The following CSTA variants were observed in gnomAD, a reference collection of about 807,000 sequenced individuals.
CSTA encodes cystatin A, also known as cystatin-A.
Under a neutral mutation model 9.2 loss-of-function variants are expected in CSTA, and 9 were observed. That is an observed-to-expected ratio of 0.97 (90% confidence interval 0.59 to 1.70). CSTA has a LOEUF of 1.70. Ranked by LOEUF, CSTA falls within the 40% of genes most tolerant of loss-of-function variation. The pLI, the probability that CSTA is intolerant of heterozygous loss-of-function variation, is 0.00. For missense variants in CSTA, 118 were observed against 113.1 expected (o/e 1.04, Z -0.20); for synonymous variants, 36 against 40.6 (o/e 0.89, Z 0.43).
At chr3:122,327,528 C>CAATAA (rs2075177977) in intron 1 of CSTA, among the ~76,000 whole-genome samples, 1 of 44,108 alleles carries the variant, frequency 2.3e-5, no homozygotes, top group Admixed American at 2.7e-4. Flanking sequence ...GACTCCGTCT[C>CAATAA]AAAAAAAAAA....
chr3:122,327,392 G>C (rs1291643545), intron 1 of CSTA, among the ~76,000 whole-genome samples: 2 of 151,918 alleles, frequency 1.3e-5, no homozygotes, highest in East Asian at 3.9e-4. Flanking sequence ...AGCTTGGCGT[G>C]GTGGCGGGCG....
Position 122,341,650 on chromosome 3 carries a change from A to T in CSTA, c.*83A>T. 4 of 1,500,324 alleles carry T rather than the reference A, an allele frequency of 2.7e-6. No individual in the cohort carries two copies. The South Asian group carries it at 4.7e-5, about 18-fold the overall frequency. 92.9% of individuals were successfully genotyped at this position (1,500,324 alleles called of 1,614,324 possible). ...CTGATAAATATAACCATCAATAAAG[A>T]AGCATTCTTTTCCAAAGAAATTATT... is the stretch of plus-strand genomic sequence containing the variant. On this transcript the variant is annotated 3_prime_UTR_variant, in exon 3 of 3. Transcript: ENST00000264474.
At position 122,341,806 on chromosome 3, in the gene CSTA, G is replaced by A. The variant is rs572608077; in HGVS notation, c.*239G>A. On this transcript the variant is annotated 3_prime_UTR_variant, in exon 3 of 3. Transcript: ENST00000264474. The stretch of plus-strand genomic sequence containing the variant: ...TGGAAATCTTATAAAAACTAGTCAA[G>A]CCTAATGCAACTGGCTAAAGGATAG... 7.7e-5 allele frequency: 38 copies of A among 490,764 alleles called. No individual in the cohort carries two copies. Among genetic ancestry groups the A allele is most frequent in the South Asian group, 7.5e-4 (36 of 47,920 alleles). 30.4% of individuals were successfully genotyped at this position (490,764 alleles called of 1,614,324 possible).
At position 122,337,433 on chromosome 3, in the gene CSTA, AT is replaced by A. The variant is rs1211169323; in HGVS notation, c.67-111del. 4.4e-5 allele frequency: 31 copies of A among 706,202 alleles called. No homozygotes were observed. The African/African-American group carries it at 5.4e-4, about 12-fold the overall frequency. The allele number at this position is 706,202 out of a possible 1,614,324, so 43.7% of individuals were successfully genotyped here. A position where few individuals can be genotyped will look rare whatever the true frequency, so the allele number is the denominator to read the frequency against. ...TTGAAATAATAAAAATAGTTCATAGATTTCATTACCATCTTTGAAGACTTTT... is the reference window on the plus strand; with the variant it reads ...TTGAAATAATAAAAATAGTTCATAGATTCATTACCATCTTTGAAGACTTTT... On this transcript the variant is annotated intron_variant, in intron 1 of 2. Transcript: ENST00000264474.
At chr3:122,328,720 G>A (rs768994993) in intron 1 of CSTA, among the ~76,000 whole-genome samples, 1 of 151,564 alleles carries the variant, frequency 6.6e-6, no homozygotes, top group Non-Finnish European at 1.5e-5. Flanking sequence ...CGGATCACCT[G>A]AGGTCAAGAG....
At chr3:122,333,361 A>G (rs1227767028) in intron 1 of CSTA, among the ~76,000 whole-genome samples, 1 of 152,084 alleles carries the variant, frequency 6.6e-6, no homozygotes, top group African/African-American at 2.4e-5. Context: ...AATATAAAAA[A>G]TTAGCTGGGA....
rs116611810 is a variant in CSTA, at chr3:122,332,177, C to T, written c.67-5370C>T. Among the ~76,000 whole-genome samples the T allele has an allele frequency of 4.3e-3, 654 of 152,268 alleles. 9 individuals are homozygous for T. Among genetic ancestry groups the T allele is most frequent in the African/African-American group, 0.014 (591 of 41,544 alleles). ...TGGGAACACCTGTCTTAGGAGATTG[C>T]AGATCTCTGGTAAGAAAATGCCCCA... On this transcript the variant is annotated intron_variant, in intron 1 of 2. Transcript: ENST00000264474.
intron 2 of CSTA, 56 bp downstream of exon 2, chr3:122,337,704 A>G: frequency 8.8e-7 from 1 of 1,133,476 alleles, no homozygotes; most frequent in Non-Finnish European, 1.3e-6. Flanking sequence ...TTTTATGTAA[A>G]ATATTCCCTG....
At chr3:122,331,532 C>T (rs1277038517) in intron 1 of CSTA, among the ~76,000 whole-genome samples, 1 of 152,138 alleles carries the variant, frequency 6.6e-6, no homozygotes, top group Non-Finnish European at 1.5e-5. Context: ...CTGGGAGCTC[C>T]TGACATTCTA....
chr3:122,331,895 G>T (rs905012868), intron 1 of CSTA, among the ~76,000 whole-genome samples: 1 of 152,174 alleles, frequency 6.6e-6, no homozygotes, highest in Non-Finnish European at 1.5e-5. Flanking sequence ...CACAGATGGG[G>T]TGGAGGGGAT....
intron 2 of CSTA, among the ~76,000 whole-genome samples, chr3:122,339,964 C>G (rs1282900680): frequency 6.6e-6 from 1 of 152,192 alleles, no homozygotes; most frequent in African/African-American, 2.4e-5. Context: ...TATGGAAAAT[C>G]ACTTAATCTC....
chr3:122,340,916 A>G (rs2075262089), intron 2 of CSTA, among the ~76,000 whole-genome samples: 1 of 150,436 alleles, frequency 6.6e-6, no homozygotes, highest in African/African-American at 2.4e-5. Context: ...CCTAGGACCT[A>G]TGCCTCTTGC....
intron 2 of CSTA, 29 bp downstream of exon 2, chr3:122,337,677 A>G (rs2075243470): frequency 7.6e-7 from 1 of 1,315,078 alleles, no homozygotes; most frequent in Admixed American, 1.7e-5. Context: ...CTTTAGCGCC[A>G]AAAGATGTAT....
Position 122,341,462 on chromosome 3 carries a change from T to C in CSTA, c.192T>C (p.Tyr64=), listed in dbSNP as rs144802947. The C allele has an allele frequency of 4.3e-6, 7 of 1,613,984 alleles. No individual in the cohort carries two copies. Among genetic ancestry groups the C allele is most frequent in the African/African-American group, 2.7e-5 (2 of 75,016 alleles). ...AGGTACGAGCAGGTGATAATAAATA[T>C]ATGCACTTGAAAGTATTCAAAAGTC... ...YIKVRAGDNK[Y]MHLKVFKSLP... The change falls in exon 3 of 3, where the codon TAT becomes TAC. Residue 64 remains tyrosine (Y), a synonymous_variant. Coordinates refer to ENST00000264474, the MANE Select transcript of CSTA (RefSeq NM_005213.4).
At chr3:122,325,487 T>C (rs2075165796) in intron 1 of CSTA, 129 bp downstream of exon 1, 8 of 869,532 alleles carry the variant, frequency 9.2e-6, no homozygotes, top group Non-Finnish European at 1.3e-5. Context: ...CAGGTTTCTT[T>C]ACAACTAAGA....
At chr3:122,326,191 G>A (rs939087898) in intron 1 of CSTA, among the ~76,000 whole-genome samples, 1 of 151,998 alleles carries the variant, frequency 6.6e-6, no homozygotes, top group African/African-American at 2.4e-5. Flanking sequence ...GCTGATTTGG[G>A]GGGTTTTGTT....
intron 1 of CSTA, among the ~76,000 whole-genome samples, chr3:122,333,707 A>G (rs553764561): frequency 2.9e-5 from 4 of 136,060 alleles, no homozygotes; most frequent in African/African-American, 1.1e-4. Context: ...AGAAAGAAAG[A>G]AAAAGAAAGA....
chr3:122,337,159 A>G (rs1286455186), intron 1 of CSTA, among the ~76,000 whole-genome samples: 1 of 152,240 alleles, frequency 6.6e-6, no homozygotes, highest in Non-Finnish European at 1.5e-5. Context: ...ACTGTAAATG[A>G]TATAAGAGAA....
intron 1 of CSTA, among the ~76,000 whole-genome samples, chr3:122,325,805 T>C (rs1439880587): frequency 6.6e-6 from 1 of 152,144 alleles, no homozygotes; most frequent in Non-Finnish European, 1.5e-5. Flanking sequence ...AAGAATAATA[T>C]TGTAAAGGCA....
Sources: gnomAD v4.1 joint callset for allele counts (sites outside exome capture counted in the v4.1 genomes callset) on GRCh38, gnomAD v4.1.1 for gene constraint, MANE v1.5 for transcripts, NCBI Gene and HGNC (gene_info 2026-07-23, HGNC 2026-07-21) for gene names.